The following KLHL28 variants were observed in gnomAD, a reference collection of about 807,000 sequenced individuals.
KLHL28 encodes the protein kelch like family member 28.
KLHL28 carries 22 observed loss-of-function variants against 48.3 expected under a neutral mutation model. The ratio of observed to expected loss-of-function variants is 0.46; its 90% CI spans 0.33 to 0.65. The LOEUF is 0.65. KLHL28 is among the 30% of genes least tolerant of loss of function. KLHL28 has a pLI of 0.03. For synonymous variants in KLHL28, 243 were observed against 242.4 expected, an observed-to-expected ratio of 1.00 and a Z score of -0.02; for missense variants, 527 against 704.3, an observed-to-expected ratio of 0.75 and a Z score of 2.85.
At position 44,926,790 on chromosome 14, in the gene KLHL28, G is replaced by A. The variant is rs1370327072; in HGVS notation, c.*2238C>T. On this transcript the variant is annotated 3_prime_UTR_variant, in exon 5 of 5. Coordinates refer to ENST00000396128, the MANE Select transcript of KLHL28 (RefSeq NM_017658.5). ...CTCCAAGTGCTGGGATTACAGGCGT[G>A]AGCCACTGCGCCCGTCCTAAAATCA... is the stretch of plus-strand genomic sequence containing the variant. 6.6e-6 allele frequency: 1 copy of A among 152,024 alleles called. No homozygotes were observed. Among genetic ancestry groups the A allele is most frequent in the Non-Finnish European group, 1.5e-5 (1 of 67,962 alleles). The allele number at this position is 152,024 out of a possible 1,614,324, so 9.4% of individuals were successfully genotyped here.
At chr14:44,932,382 C>T (rs946398701) in intron 3 of KLHL28, among the ~76,000 whole-genome samples, 1 of 151,942 alleles carries the variant, frequency 6.6e-6, no homozygotes, top group Non-Finnish European at 1.5e-5. Context: ...TTTAGGAGTA[C>T]TCAGGAATTT....
chr14:44,952,630 C>A (rs1351026657), intron 1 of KLHL28, among the ~76,000 whole-genome samples: 1 of 152,126 alleles, frequency 6.6e-6, no homozygotes, highest in East Asian at 1.9e-4. Context: ...AACTCCTAGG[C>A]TCAAGTGACC....
At chr14:44,944,136 A>G (rs1017919998) in intron 2 of KLHL28, among the ~76,000 whole-genome samples, 3 of 152,236 alleles carry the variant, frequency 2.0e-5, no homozygotes, top group African/African-American at 7.2e-5. Flanking sequence ...ATATGTATTA[A>G]ACACAAAAGT....
intron 1 of KLHL28, among the ~76,000 whole-genome samples, chr14:44,956,397 A>G (rs755355262): frequency 3.3e-5 from 5 of 152,208 alleles, no homozygotes; most frequent in Non-Finnish European, 7.3e-5. Flanking sequence ...ATAGCTAGAT[A>G]ATTGGGCCTT....
At position 44,928,970 on chromosome 14, in the gene KLHL28, C is replaced by A; in HGVS notation, c.*58G>T. On this transcript the variant is annotated 3_prime_UTR_variant, in exon 5 of 5. Coordinates refer to ENST00000396128, the MANE Select transcript of KLHL28 (RefSeq NM_017658.5). ...TGTGGGTTTCAGAAAACTGGGCCAT[C>A]CGGATGTTCATGCAGTACAAGTTTC... 2 of 1,520,092 alleles carry A rather than the reference C, an allele frequency of 1.3e-6. No individual in the cohort carries two copies. Among genetic ancestry groups the A allele is most frequent in the African/African-American group, 1.4e-5 (1 of 72,674 alleles). The allele number at this position is 1,520,092 out of a possible 1,614,324, so 94.2% of individuals were successfully genotyped here. A position where few individuals can be genotyped will look rare whatever the true frequency, so the allele number is the denominator to read the frequency against.
chr14:44,934,271 C>T lies in KLHL28; in HGVS notation c.1187G>A (p.Gly396Glu), dbSNP rs1488621108. Residue 396 changes from glycine to glutamate, a missense_variant, in exon 3 of 5, where the codon GGA (glycine) becomes GAA (glutamate). Physicochemically the swap from Gly to Glu is moderately conservative, Grantham distance 98. Transcript: ENST00000396128. ...GELYALGGYDGQSYLQSVEKY... is the reference protein window; with the variant it reads ...GELYALGGYDEQSYLQSVEKY... ...CTCTACAGATTGTAAATAAGATTGT[C>T]CATCATAACCACCTAAGGCATAAAG... is the stretch of plus-strand genomic sequence containing the variant. 6.2e-7 allele frequency: 1 copy of T among 1,614,068 alleles called. No homozygotes were observed. Among genetic ancestry groups the T allele is most frequent in the African/African-American group, 1.3e-5 (1 of 75,016 alleles).
At chr14:44,957,641 T>C (rs1884850042) in intron 1 of KLHL28, among the ~76,000 whole-genome samples, 1 of 152,192 alleles carries the variant, frequency 6.6e-6, no homozygotes, top group Non-Finnish European at 1.5e-5. Context: ...TCTAAGCTTT[T>C]AACATGTATT....
chr14:44,959,100 T>C (rs780113338), intron 1 of KLHL28, among the ~76,000 whole-genome samples: 8 of 151,826 alleles, frequency 5.3e-5, no homozygotes, highest in Non-Finnish European at 2.9e-5. Context: ...AAAAAATATA[T>C]AATCAAATGA....
At chr14:44,949,981 G>A (rs1459244701) in intron 1 of KLHL28, among the ~76,000 whole-genome samples, 1 of 152,072 alleles carries the variant, frequency 6.6e-6, no homozygotes, top group Non-Finnish European at 1.5e-5. Context: ...TAAACAGACT[G>A]TAACACCTGA....
intron 2 of KLHL28, among the ~76,000 whole-genome samples, chr14:44,942,849 A>G (rs1884159832): frequency 6.6e-6 from 1 of 152,184 alleles, no homozygotes; most frequent in Non-Finnish European, 1.5e-5. Flanking sequence ...TGATCGTTGC[A>G]TAAACATTAT....
At chr14:44,955,878 G>GCTTT (rs1310061983) in intron 1 of KLHL28, among the ~76,000 whole-genome samples, 1 of 152,104 alleles carries the variant, frequency 6.6e-6, no homozygotes, top group Admixed American at 6.6e-5. Flanking sequence ...AACTAAATAG[G>GCTTT]CTTTCACTAG....
chr14:44,939,372 T>A (rs1883975462), intron 2 of KLHL28, among the ~76,000 whole-genome samples: 1 of 152,236 alleles, frequency 6.6e-6, no homozygotes, highest in Non-Finnish European at 1.5e-5. Flanking sequence ...CACTCATCTC[T>A]TTAGCACACA....
rs540658808 is a variant in KLHL28, at chr14:44,961,242, G to A, written c.-1+604C>T. Reference sequence around the variant, plus strand: ...ATTGTCTTCGCAATCTCTGTCTCTAGGAGACTGAAAGGCTGCAGAGACGCT... The same window carrying A: ...ATTGTCTTCGCAATCTCTGTCTCTAAGAGACTGAAAGGCTGCAGAGACGCT... On this transcript the variant is annotated intron_variant, in intron 1 of 4. Transcript: ENST00000396128. 4.2e-4 allele frequency: 93 copies of A among 224,086 alleles called. 1 individual carries two copies. The Admixed American group carries it at 4.4e-3, about 11-fold the overall frequency. The allele number at this position is 224,086 out of a possible 1,614,324, so 13.9% of individuals were successfully genotyped here.
chr14:44,949,833 C>T (rs1345533478), intron 1 of KLHL28, among the ~76,000 whole-genome samples: 1 of 152,048 alleles, frequency 6.6e-6, no homozygotes, highest in Non-Finnish European at 1.5e-5. Flanking sequence ...ATTTTAACAC[C>T]ATAAACTTAT....
chr14:44,929,787 C>T (rs1029974587), intron 4 of KLHL28, among the ~76,000 whole-genome samples: 2 of 152,178 alleles, frequency 1.3e-5, no homozygotes, highest in Non-Finnish European at 2.9e-5. Flanking sequence ...GCACTCCTGC[C>T]TGGCTCGACA....
intron 1 of KLHL28, among the ~76,000 whole-genome samples, chr14:44,954,388 T>C (rs1884710964): frequency 1.3e-5 from 2 of 152,246 alleles, no homozygotes; most frequent in African/African-American, 4.8e-5. Flanking sequence ...ATGTTTCTTA[T>C]TCCTCATATT....
At chr14:44,948,046 T>C (rs561019788) in intron 1 of KLHL28, among the ~76,000 whole-genome samples, 5 of 152,298 alleles carry the variant, frequency 3.3e-5, no homozygotes, top group African/African-American at 1.2e-4. Flanking sequence ...CTTTTTAACC[T>C]ATGTAACTTC....
chr14:44,944,808 G>A (rs1352713154), intron 2 of KLHL28, among the ~76,000 whole-genome samples: 2 of 152,078 alleles, frequency 1.3e-5, no homozygotes, highest in African/African-American at 2.4e-5. Flanking sequence ...TGGATAAAGT[G>A]TGCACTTGGG....
intron 2 of KLHL28, among the ~76,000 whole-genome samples, chr14:44,942,997 T>C (rs1884165759): frequency 6.6e-6 from 1 of 152,162 alleles, no homozygotes; most frequent in Admixed American, 6.5e-5. Flanking sequence ...GTTTTAATTT[T>C]TCCAGAGTTA....
Sources: allele counts gnomAD v4.1 joint callset (sites outside exome capture counted in the v4.1 genomes callset), GRCh38; gene constraint gnomAD v4.1.1; transcripts MANE v1.5; gene names NCBI Gene and HGNC (gene_info 2026-07-23, HGNC 2026-07-21).